OXSR1: variants seen among roughly 807,000 people sequenced by gnomAD.
The protein encoded by OXSR1 is serine/threonine-protein kinase OSR1.
Under a neutral mutation model 79.8 loss-of-function variants are expected in OXSR1, and 24 were observed. That is an observed-to-expected ratio of 0.30 (90% CI 0.22 to 0.42). The LOEUF (loss-of-function observed/expected upper bound fraction) is 0.42, where lower values mean the gene tolerates loss of function less well. Ranked by LOEUF, OXSR1 falls within the 10% of genes least tolerant of loss-of-function variation. OXSR1 has a pLI of 1.00. For missense variants in OXSR1, 430 were observed against 618.4 expected (o/e 0.70, Z 3.23); for synonymous variants, 226 against 209.2 (o/e 1.08, Z -0.69).
At chr3:38,177,056 T>A (rs918178285) in intron 1 of OXSR1, among the ~76,000 whole-genome samples, 11 of 152,226 alleles carry the variant, frequency 7.2e-5, no homozygotes, top group Non-Finnish European at 1.2e-4. Context: ...GGATAGTACA[T>A]TTGTAAAAAT....
chr3:38,249,855 A>G (rs1703219411), intron 14 of OXSR1, 111 bp from the exon 15 acceptor site: 1 of 709,366 alleles, frequency 1.4e-6, no homozygotes, highest in Non-Finnish European at 2.5e-6. Flanking sequence ...CATATGATCT[A>G]TGGGAACAAA....
chr3:38,195,600 G>T (rs1260022304), intron 3 of OXSR1, among the ~76,000 whole-genome samples: 2 of 152,178 alleles, frequency 1.3e-5, no homozygotes, highest in African/African-American at 4.8e-5. Context: ...TAAGTTGAAT[G>T]AATTGATTTT....
intron 16 of OXSR1, 54 bp downstream of exon 16, chr3:38,251,525 G>A (rs1212944798): frequency 6.4e-6 from 9 of 1,401,892 alleles, no homozygotes; most frequent in Admixed American, 3.4e-5. Flanking sequence ...TGTATACTTA[G>A]TACATAGAAA....
intron 4 of OXSR1, 102 bp downstream of exon 4, chr3:38,198,965 C>A (rs976120107): frequency 1.0e-6 from 1 of 979,434 alleles, no homozygotes; most frequent in Non-Finnish European, 1.5e-6. Context: ...CTCTTTGTAT[C>A]ACTAGTTTTA....
chr3:38,169,630 A>T (rs1389027181), intron 1 of OXSR1, among the ~76,000 whole-genome samples: 2 of 147,660 alleles, frequency 1.4e-5, no homozygotes, highest in African/African-American at 5.0e-5. Context: ...GAGTTATAGA[A>T]GTGTGTGTAT....
At chr3:38,174,746 T>C (rs1282658042) in intron 1 of OXSR1, among the ~76,000 whole-genome samples, 4 of 152,166 alleles carry the variant, frequency 2.6e-5, no homozygotes, top group African/African-American at 9.7e-5. Context: ...GATTTGCTGT[T>C]GGATTAGATG....
intron 4 of OXSR1, among the ~76,000 whole-genome samples, chr3:38,200,034 A>T (rs1702134828): frequency 6.6e-6 from 1 of 152,144 alleles, no homozygotes. Flanking sequence ...GGGCTAAGAG[A>T]TGCCAGCTGT....
At chr3:38,207,212 C>G (rs1471365158) in intron 4 of OXSR1, among the ~76,000 whole-genome samples, 1 of 152,206 alleles carries the variant, frequency 6.6e-6, no homozygotes, top group Non-Finnish European at 1.5e-5. Flanking sequence ...TTTACAGAAA[C>G]AGGCAATGGA....
intron 12 of OXSR1, among the ~76,000 whole-genome samples, chr3:38,243,734 G>T (rs755644346): frequency 1.3e-5 from 2 of 152,140 alleles, no homozygotes; most frequent in Admixed American, 1.3e-4. Flanking sequence ...TGTTTACATA[G>T]AACTGTATTA....
At chr3:38,231,954 A>G (rs1212338204) in intron 10 of OXSR1, among the ~76,000 whole-genome samples, 1 of 152,100 alleles carries the variant, frequency 6.6e-6, no homozygotes, top group African/African-American at 2.4e-5. Flanking sequence ...TAAAAATACA[A>G]AACTTAGCCT....
chr3:38,245,363 C>CAT (rs1182584014), intron 12 of OXSR1, among the ~76,000 whole-genome samples: 1 of 152,118 alleles, frequency 6.6e-6, no homozygotes, highest in Admixed American at 6.6e-5. Context: ...CTATTTCAGA[C>CAT]ATACAAAATA....
chr3:38,246,192 C>T lies in OXSR1; in HGVS notation c.1228C>T (p.Pro410Ser). ...ACAGCCAACTCAAGTCTCTCTCCCA[C>T]CCACCGCAGAGCCAGCAAAAACAGC... The part of the protein sequence containing the change: ...ATQPTQVSLP[P>S]TAEPAKTAQA... Residue 410 changes from proline to serine, a missense_variant, in exon 13 of 18, where the codon CCC becomes TCC. Around this residue, in one of 3 missense-constraint regions of OXSR1, gnomAD observed 276 missense variants for 354.2 expected, o/e 0.78. Transcript: ENST00000311806. 1.9e-6 allele frequency: 3 copies of T among 1,613,810 alleles called. No homozygotes were observed. Among genetic ancestry groups the T allele is most frequent in the Non-Finnish European group, 2.5e-6 (3 of 1,179,812 alleles).
chr3:38,170,750 A>G (rs1701565088), intron 1 of OXSR1, among the ~76,000 whole-genome samples: 1 of 152,172 alleles, frequency 6.6e-6, no homozygotes, highest in Non-Finnish European at 1.5e-5. Flanking sequence ...AAACTGGAAG[A>G]TGGGGGTCAT....
chr3:38,203,365 C>T (rs952605464), intron 4 of OXSR1, among the ~76,000 whole-genome samples: 10 of 152,130 alleles, frequency 6.6e-5, no homozygotes, highest in African/African-American at 2.2e-4. Context: ...TACTGGTCTC[C>T]GTGTCTTGAT....
chr3:38,239,179 A>C (rs1008301711), intron 11 of OXSR1, among the ~76,000 whole-genome samples: 12 of 152,154 alleles, frequency 7.9e-5, no homozygotes, highest in African/African-American at 2.9e-4. Flanking sequence ...TATGATAACT[A>C]TTTTAACATC....
At chr3:38,178,866 A>C (rs112106723) in intron 1 of OXSR1, among the ~76,000 whole-genome samples, 35 of 151,308 alleles carry the variant, frequency 2.3e-4, no homozygotes, top group Non-Finnish European at 4.0e-4. Context: ...GCTTTATTTT[A>C]TTTTCTTTTA....
intron 2 of OXSR1, among the ~76,000 whole-genome samples, chr3:38,184,116 C>G (rs1364810674): frequency 1.3e-5 from 2 of 152,086 alleles, no homozygotes; most frequent in Non-Finnish European, 2.9e-5. Flanking sequence ...CCTGCCCATC[C>G]AGAAGTTTTT....
intron 8 of OXSR1, among the ~76,000 whole-genome samples, chr3:38,227,490 A>G (rs922991861): frequency 6.6e-6 from 1 of 151,870 alleles, no homozygotes; most frequent in Non-Finnish European, 1.5e-5. Flanking sequence ...TGAAAGAAAT[A>G]TTAACATTTG....
At chr3:38,243,785 C>T (rs1017584807) in intron 12 of OXSR1, among the ~76,000 whole-genome samples, 3 of 152,090 alleles carry the variant, frequency 2.0e-5, no homozygotes, top group Admixed American at 6.6e-5. Flanking sequence ...ATTAACAGGC[C>T]GATATCTGTT....
Sources: allele counts gnomAD v4.1 joint callset (sites outside exome capture counted in the v4.1 genomes callset), GRCh38; gene constraint gnomAD v4.1.1; regional missense constraint gnomAD v4.1.1; transcripts MANE v1.5; gene names NCBI Gene and HGNC (gene_info 2026-07-23, HGNC 2026-07-21).